GRXCR1: variants seen among roughly 807,000 people sequenced by gnomAD.
GRXCR1 encodes the protein glutaredoxin domain-containing cysteine-rich protein 1.
GRXCR1 carries 27 observed loss-of-function variants against 27.3 expected under a neutral mutation model. That is an observed-to-expected ratio of 0.99 (90% CI 0.73 to 1.37). GRXCR1 has a LOEUF of 1.37. GRXCR1 is among the 40% of genes most tolerant of loss of function. The pLI is 0.00. For missense variants in GRXCR1, 379 were observed against 354.4 expected, an observed-to-expected ratio of 1.07 and a Z score of -0.56; for synonymous variants, 122 against 131.1, an observed-to-expected ratio of 0.93 and a Z score of 0.47.
intron 1 of GRXCR1, among the ~76,000 whole-genome samples, chr4:42,909,968 A>G (rs1746683125): frequency 6.6e-6 from 1 of 152,150 alleles, no homozygotes. Flanking sequence ...TGCTATAAAG[A>G]TACTCCCCGA....
chr4:42,894,123 A>G (rs1746297223), intron 1 of GRXCR1, among the ~76,000 whole-genome samples: 1 of 152,090 alleles, frequency 6.6e-6, no homozygotes, highest in Non-Finnish European at 1.5e-5. Flanking sequence ...ATAAAGACTA[A>G]CTTCGACTTC....
At position 42,893,467 on chromosome 4, in the gene GRXCR1, G is replaced by A. The variant is rs756944628; in HGVS notation, c.201G>A (p.Glu67=). The A allele has an allele frequency of 5.0e-6, 8 of 1,613,886 alleles. No individual in the cohort carries two copies. In the South Asian group the frequency reaches 6.6e-5, roughly 13 times the overall value. ...ATGGACAGCAGAATGGCCACATAGA[G>A]TCAGAAGGTGATGAGAATGAGAATG... The part of the protein sequence containing the change: ...DSDGQQNGHI[E]SEGDENENDQ... Residue 67 remains glutamate, a synonymous_variant, in exon 1 of 4, where the codon GAG becomes GAA. Coordinates refer to ENST00000399770, the MANE Select transcript of GRXCR1 (RefSeq NM_001080476.3).
chr4:42,902,384 G>A (rs1746480570), intron 1 of GRXCR1, among the ~76,000 whole-genome samples: 1 of 152,132 alleles, frequency 6.6e-6, no homozygotes, highest in African/African-American at 2.4e-5. Context: ...TTCTATAACA[G>A]TGACCCTGTT....
In GRXCR1 at chr4:42,954,573, T is replaced by C. The variant is rs182561462; in HGVS notation, c.385-8319T>C. On this transcript the variant is annotated intron_variant, in intron 1 of 3. Transcript: ENST00000399770. ...ACCTGGGCCATAATCTTTACCACTA[T>C]GATAAATGAAAAGTGCATATGTAGA... Among the ~76,000 whole-genome samples, 197 of 152,258 alleles carry C rather than the reference T, an allele frequency of 1.3e-3. 1 individual carries two copies. In the Middle Eastern group the frequency reaches 0.017, roughly 13 times the overall value.
chr4:42,930,823 T>C (rs1396017946), intron 1 of GRXCR1, among the ~76,000 whole-genome samples: 1 of 152,006 alleles, frequency 6.6e-6, no homozygotes, highest in East Asian at 1.9e-4. Context: ...CACTCAGTAA[T>C]GTTAATTCCT....
At chr4:42,910,024 C>T (rs1197037588) in intron 1 of GRXCR1, among the ~76,000 whole-genome samples, 1 of 152,054 alleles carries the variant, frequency 6.6e-6, no homozygotes, top group Non-Finnish European at 1.5e-5. Context: ...ACTCATAGTT[C>T]CACATGGCTG....
intron 1 of GRXCR1, among the ~76,000 whole-genome samples, chr4:42,910,683 C>A (rs1304187401): frequency 2.6e-5 from 4 of 152,152 alleles, no homozygotes; most frequent in Admixed American, 1.3e-4. Flanking sequence ...AAAGATGCAG[C>A]TGACCCACGT....
chr4:42,961,846 A>G (rs771837871), intron 1 of GRXCR1, among the ~76,000 whole-genome samples: 1 of 151,894 alleles, frequency 6.6e-6, no homozygotes, highest in Non-Finnish European at 1.5e-5. Flanking sequence ...TTAGTGTCCT[A>G]CTGGCTTGCT....
intron 1 of GRXCR1, among the ~76,000 whole-genome samples, chr4:42,898,516 C>T (rs553903924): frequency 5.1e-4 from 78 of 151,842 alleles, no homozygotes; most frequent in Non-Finnish European, 4.0e-4. Context: ...AATCAAACTC[C>T]GATAATAGAA....
At chr4:43,012,370 A>C (rs985478710) in intron 2 of GRXCR1, among the ~76,000 whole-genome samples, 1 of 152,228 alleles carries the variant, frequency 6.6e-6, no homozygotes. Context: ...ATAATCATAT[A>C]TTAAGCCCAA....
chr4:43,004,171 C>T (rs1427220356), intron 2 of GRXCR1, among the ~76,000 whole-genome samples: 2 of 152,262 alleles, frequency 1.3e-5, no homozygotes, highest in African/African-American at 4.8e-5. Context: ...ACCATTGCTT[C>T]AGAGGTTTAA....
intron 2 of GRXCR1, among the ~76,000 whole-genome samples, chr4:42,967,151 C>T (rs1465956405): frequency 1.3e-5 from 2 of 152,052 alleles, no homozygotes; most frequent in East Asian, 1.9e-4. Context: ...AGATTTGCTC[C>T]TAGTTATCTT....
At chr4:42,990,247 A>C (rs1711924968) in intron 2 of GRXCR1, among the ~76,000 whole-genome samples, 1 of 114,446 alleles carries the variant, frequency 8.7e-6, no homozygotes, top group African/African-American at 3.4e-5. Flanking sequence ...GCTGGAGTGC[A>C]GTGTCGGGAT....
At chr4:42,988,529 A>G (rs1284664053) in intron 2 of GRXCR1, among the ~76,000 whole-genome samples, 1 of 152,184 alleles carries the variant, frequency 6.6e-6, no homozygotes, top group Non-Finnish European at 1.5e-5. Context: ...TATAATTCAT[A>G]CTGTATTATT....
intron 3 of GRXCR1, among the ~76,000 whole-genome samples, chr4:43,022,696 C>T (rs1713133071): frequency 6.6e-6 from 1 of 152,016 alleles, no homozygotes; most frequent in Non-Finnish European, 1.5e-5. Flanking sequence ...AGTAAAGAGA[C>T]CAGGTGAAAT....
rs993669432 is a variant in GRXCR1 at position 42,931,243 on chromosome 4, G to T, written c.385-31649G>T. On this transcript the variant is annotated intron_variant, in intron 1 of 3. Coordinates refer to ENST00000399770, the MANE Select transcript of GRXCR1 (RefSeq NM_001080476.3). ...CCCACTTCAATAAGTAAAATGTACA[G>T]TCAGTAAGTAAAGTTTGCAGTATAA... Among the ~76,000 whole-genome samples, 7 of 152,100 alleles carry T rather than the reference G, an allele frequency of 4.6e-5. No homozygotes were observed. In the Middle Eastern group the frequency reaches 0.01, roughly 222 times the overall value.
chr4:42,903,367 A>T (rs1746510681), intron 1 of GRXCR1, among the ~76,000 whole-genome samples: 1 of 119,408 alleles, frequency 8.4e-6, no homozygotes, highest in East Asian at 3.3e-4. Context: ...GCTGGAGTGC[A>T]GTGGCATGAT....
rs762758381 is a variant in GRXCR1, at chr4:42,932,619, TAGAGAGAGAGAGAGAGAGAG to T, written c.385-30246_385-30227del. 7.4e-4 allele frequency among the ~76,000 whole-genome samples: 17 copies of T among 22,918 alleles called. 1 individual carries two copies. The highest frequency in any genetic ancestry group is 9.9e-4 in the Non-Finnish European group (13 of 13,162). 15.0% of individuals were successfully genotyped at this position (22,918 alleles called of 152,430 possible). A position where few individuals can be genotyped will look rare whatever the true frequency, so the allele number is the denominator to read the frequency against. ...ATATATATATATATATATATATATA[TAGAGAGAGAGAGAGAGAGAG>T]AGAGAGAGAGAGAGAGAGAGAGAGA... On this transcript the variant is annotated intron_variant, in intron 1 of 3. Coordinates refer to ENST00000399770, the MANE Select transcript of GRXCR1 (RefSeq NM_001080476.3).
At chr4:42,986,656 G>A (rs1711733599) in intron 2 of GRXCR1, among the ~76,000 whole-genome samples, 2 of 152,176 alleles carry the variant, frequency 1.3e-5, no homozygotes, top group African/African-American at 4.8e-5. Context: ...TCTCTTGAAT[G>A]ACTTATAATA....
Sources: allele counts gnomAD v4.1 joint callset (sites outside exome capture counted in the v4.1 genomes callset), GRCh38; gene constraint gnomAD v4.1.1; transcripts MANE v1.5; gene names NCBI Gene and HGNC (gene_info 2026-07-23, HGNC 2026-07-21).